SLC38A6: variants seen among roughly 807,000 people sequenced by gnomAD.
SLC38A6 encodes the protein solute carrier family 38 member 6, also known as N system amino acid transporter NAT-1.
A neutral mutation model predicts 65.0 loss-of-function variants in SLC38A6; 73 were observed. That is an observed-to-expected ratio of 1.12 (90% CI 0.93 to 1.37). The LOEUF is 1.37. Ranked by LOEUF, SLC38A6 falls within the 40% of genes most tolerant of loss-of-function variation. The pLI is 0.00. For synonymous variants in SLC38A6, 183 were observed against 178.8 expected, an observed-to-expected ratio of 1.02 and a Z score of -0.19; for missense variants, 561 against 531.1, an observed-to-expected ratio of 1.06 and a Z score of -0.55.
At chr14:61,050,239 A>C (rs2042427260) in intron 12 of SLC38A6, among the ~76,000 whole-genome samples, 1 of 152,178 alleles carries the variant, frequency 6.6e-6, no homozygotes, top group Non-Finnish European at 1.5e-5. Context: ...CCCTTAGATT[A>C]TGGAAAAGTT....
chr14:61,023,029 C>T (rs1325151539), intron 5 of SLC38A6, among the ~76,000 whole-genome samples: 1 of 152,042 alleles, frequency 6.6e-6, no homozygotes, highest in East Asian at 1.9e-4. Context: ...TATTTGTTTT[C>T]CTAACTTTAC....
intron 15 of SLC38A6, among the ~76,000 whole-genome samples, chr14:61,063,581 A>G (rs2042926253): frequency 6.6e-6 from 1 of 152,232 alleles, no homozygotes; most frequent in Non-Finnish European, 1.5e-5. Context: ...CATGTAAAGT[A>G]GAGAATTGCA....
At chr14:61,070,639 G>T (rs2043197856) in intron 15 of SLC38A6, among the ~76,000 whole-genome samples, 1 of 152,098 alleles carries the variant, frequency 6.6e-6, no homozygotes, top group Non-Finnish European at 1.5e-5. Context: ...CTCTATACTG[G>T]TTTCCTTAAT....
intron 15 of SLC38A6, among the ~76,000 whole-genome samples, chr14:61,061,076 C>A (rs1312242036): frequency 1.3e-5 from 2 of 152,014 alleles, no homozygotes; most frequent in East Asian, 1.9e-4. Flanking sequence ...AGAAATCACC[C>A]GTCTTCTGCG....
At chr14:61,009,535 C>G (rs1480071066) in intron 3 of SLC38A6, among the ~76,000 whole-genome samples, 1 of 151,838 alleles carries the variant, frequency 6.6e-6, no homozygotes, top group Non-Finnish European at 1.5e-5. Context: ...TATCCCTCCC[C>G]CTCCCCCACC....
intron 6 of SLC38A6, among the ~76,000 whole-genome samples, chr14:61,036,231 T>C (rs549903509): frequency 5.3e-5 from 8 of 152,196 alleles, no homozygotes; most frequent in African/African-American, 1.9e-4. Context: ...TACTGAATAT[T>C]CAGTATATTG....
At chr14:61,063,504 C>T (rs1202167594) in intron 15 of SLC38A6, among the ~76,000 whole-genome samples, 1 of 152,122 alleles carries the variant, frequency 6.6e-6, no homozygotes, top group African/African-American at 2.4e-5. Context: ...GAACCTAGGG[C>T]TCTCCTCCCA....
chr14:61,017,616 A>G (rs1195410489), intron 4 of SLC38A6, among the ~76,000 whole-genome samples: 5 of 152,236 alleles, frequency 3.3e-5, no homozygotes, highest in Non-Finnish European at 7.3e-5. Flanking sequence ...CTATAAACAT[A>G]ACTCTAAGTA....
intron 3 of SLC38A6, among the ~76,000 whole-genome samples, chr14:60,988,819 A>G (rs1291481389): frequency 6.6e-6 from 1 of 152,194 alleles, no homozygotes; most frequent in African/African-American, 2.4e-5. Flanking sequence ...TTCCCTGGTA[A>G]AATTCCAACC....
intron 15 of SLC38A6, among the ~76,000 whole-genome samples, chr14:61,069,767 T>C (rs2043162979): frequency 6.6e-6 from 1 of 152,200 alleles, no homozygotes; most frequent in African/African-American, 2.4e-5. Flanking sequence ...AGTTTTTGAG[T>C]GGGTAATGTG....
At chr14:61,041,653 C>T (rs891684174) in intron 8 of SLC38A6, among the ~76,000 whole-genome samples, 1 of 152,172 alleles carries the variant, frequency 6.6e-6, no homozygotes, top group Admixed American at 6.5e-5. Context: ...TAATCCCACA[C>T]TTTGGGAGCC....
chr14:61,027,023 C>T (rs113367597), intron 5 of SLC38A6, among the ~76,000 whole-genome samples: 6 of 152,236 alleles, frequency 3.9e-5, no homozygotes, highest in African/African-American at 1.2e-4. Context: ...CAGATATTAA[C>T]ACCTTGCAAC....
At chr14:60,989,258 T>C (rs1457273796) in intron 3 of SLC38A6, among the ~76,000 whole-genome samples, 1 of 152,222 alleles carries the variant, frequency 6.6e-6, no homozygotes, top group Non-Finnish European at 1.5e-5. Flanking sequence ...CACCTGCTCT[T>C]GCCTACATCA....
intron 15 of SLC38A6, among the ~76,000 whole-genome samples, chr14:61,063,356 T>C (rs2042919327): frequency 6.6e-6 from 1 of 152,134 alleles, no homozygotes; most frequent in Non-Finnish European, 1.5e-5. Context: ...TTTCTCTGAG[T>C]TTTCTTAGTT....
intron 6 of SLC38A6, among the ~76,000 whole-genome samples, chr14:61,031,717 T>G (rs2139673515): frequency 6.8e-6 from 1 of 147,954 alleles, no homozygotes; most frequent in South Asian, 2.1e-4. Context: ...TATGTGAAAT[T>G]CATTTTTGTA....
At chr14:61,052,657 AAATTAATATTTT>A (rs1172816338), downstream of SLC38A6, 4 of 387,874 alleles carry the variant, frequency 1.0e-5, no homozygotes, top group African/African-American at 8.5e-5. Flanking sequence ...TTTGTTTTTT[AAATTAATATTTT>A]TATGGTAGTT....
At chr14:61,061,432 G>A (rs1594771310) in intron 15 of SLC38A6, among the ~76,000 whole-genome samples, 2 of 152,290 alleles carry the variant, frequency 1.3e-5, no homozygotes, top group South Asian at 4.1e-4. Flanking sequence ...TTAGTATCAA[G>A]GTGATGCTGG....
intron 8 of SLC38A6, among the ~76,000 whole-genome samples, chr14:61,039,480 C>T (rs2041640599): frequency 2.0e-5 from 3 of 151,754 alleles, no homozygotes; most frequent in Non-Finnish European, 2.9e-5. Context: ...AAGCAATTCT[C>T]CTGACTCAGC....
chr14:61,039,261 C>G (rs1026796807), intron 8 of SLC38A6, among the ~76,000 whole-genome samples: 1 of 152,218 alleles, frequency 6.6e-6, no homozygotes, highest in Non-Finnish European at 1.5e-5. Flanking sequence ...TATAAACCAT[C>G]TGCTCAGATT....
Sources: allele counts gnomAD v4.1 joint callset (sites outside exome capture counted in the v4.1 genomes callset), GRCh38; gene constraint gnomAD v4.1.1; transcripts MANE v1.5; gene names NCBI Gene and HGNC (gene_info 2026-07-23, HGNC 2026-07-21).